The following CCDC186 variants were observed in gnomAD, a reference collection of about 807,000 sequenced individuals.
The protein encoded by CCDC186 is coiled-coil domain-containing protein 186.
A neutral mutation model predicts 113.7 loss-of-function variants in CCDC186; 49 were observed. That is an observed-to-expected ratio of 0.43 (90% CI 0.34 to 0.55). CCDC186 has a LOEUF of 0.55. CCDC186 is among the 20% of genes least tolerant of loss of function. The pLI is 0.02. For synonymous variants in CCDC186, 355 were observed against 345.8 expected (o/e 1.03, Z -0.30); for missense variants, 890 against 1,011.1 (o/e 0.88, Z 1.62).
At position 114,132,177 on chromosome 10, in the gene CCDC186, G is replaced by C. The variant is rs371396501; in HGVS notation, c.1663C>G (p.Gln555Glu). Residue 555 changes from glutamine (Q) to glutamate (E), a missense_variant, in exon 11 of 16, where the codon CAA (glutamine) becomes GAA (glutamate). Physicochemically the swap from Gln to Glu is conservative, Grantham distance 29. Coordinates refer to ENST00000369287, the MANE Select transcript of CCDC186 (RefSeq NM_018017.4). Reference protein sequence around the residue: ...QLQEQLQRGKQEIENLKEEVE... With the variant: ...QLQEQLQRGKEEIENLKEEVE... ...TCTTCTTTCAAATTTTCAATTTCTTGCTTACCTCTAAAACACAAAATTTAT... is the reference window on the plus strand; with the variant it reads ...TCTTCTTTCAAATTTTCAATTTCTTCCTTACCTCTAAAACACAAAATTTAT... 2.5e-6 allele frequency: 4 copies of C among 1,584,998 alleles called. No homozygotes were observed. The African/African-American group carries it at 5.4e-5, about 21-fold the overall frequency.
chr10:114,144,519 T>G lies in CCDC186; in HGVS notation c.1199A>C (p.Lys400Thr). The change falls in exon 6 of 16, where the codon AAA (lysine) becomes ACA (threonine). Residue 400 changes from lysine to threonine, a missense_variant. Physicochemically the swap from Lys to Thr is moderately conservative, Grantham distance 78. Coordinates refer to ENST00000369287, the MANE Select transcript of CCDC186 (RefSeq NM_018017.4). Reference protein sequence around the residue: ...IKVKWAQNKLKAEMDSHKETK... With the variant: ...IKVKWAQNKLTAEMDSHKETK... ...TACCTTGTGTGAATCCATTTCAGCT[T>G]TTAATTTGTTTTGTGCCCACTTTAC... The G allele has an allele frequency of 3.7e-6, 6 of 1,613,374 alleles. No homozygotes were observed. Among genetic ancestry groups the G allele is most frequent in the Non-Finnish European group, 5.1e-6 (6 of 1,179,516 alleles).
chr10:114,162,535 C>T (rs1253389114), intron 2 of CCDC186, 102 bp downstream of exon 2: 1 of 833,494 alleles, frequency 1.2e-6, no homozygotes, highest in South Asian at 2.0e-5. Flanking sequence ...TTCTAATGTG[C>T]AAGTAAAAAT....
intron 1 of CCDC186, among the ~76,000 whole-genome samples, chr10:114,172,887 C>T (rs1441942643): frequency 6.6e-6 from 1 of 152,120 alleles, no homozygotes; most frequent in Non-Finnish European, 1.5e-5. Flanking sequence ...CTCTCTTGAA[C>T]CTGAATCCTT....
At chr10:114,161,098 G>GTC (rs2032156110) in intron 2 of CCDC186, among the ~76,000 whole-genome samples, 1 of 152,088 alleles carries the variant, frequency 6.6e-6, no homozygotes, top group Non-Finnish European at 1.5e-5. Flanking sequence ...TGTTCTGACA[G>GTC]GATGAAGCAA....
chr10:114,138,961 C>T (rs1267313512), intron 6 of CCDC186, among the ~76,000 whole-genome samples: 10 of 152,162 alleles, frequency 6.6e-5, no homozygotes, highest in African/African-American at 9.7e-5. Context: ...GATCAGATGC[C>T]GCCTACTCTG....
At chr10:114,172,393 T>TATCA (rs1470064341) in intron 1 of CCDC186, among the ~76,000 whole-genome samples, 1 of 152,250 alleles carries the variant, frequency 6.6e-6, no homozygotes, top group Non-Finnish European at 1.5e-5. Context: ...AATCATTAGC[T>TATCA]ATGCTGTCAC....
At chr10:114,137,835 G>C (rs1289730952) in intron 6 of CCDC186, among the ~76,000 whole-genome samples, 2 of 151,930 alleles carry the variant, frequency 1.3e-5, no homozygotes, top group Non-Finnish European at 2.9e-5. Flanking sequence ...TCGGGAGTTT[G>C]AGACCAGCCT....
intron 13 of CCDC186, among the ~76,000 whole-genome samples, chr10:114,129,458 A>G (rs1428386933): frequency 6.6e-6 from 1 of 152,240 alleles, no homozygotes; most frequent in Non-Finnish European, 1.5e-5. Context: ...TTTTTACAAT[A>G]TAATTATATA....
chr10:114,156,577 T>C (rs1697656303), intron 3 of CCDC186, among the ~76,000 whole-genome samples: 2 of 151,994 alleles, frequency 1.3e-5, no homozygotes, highest in African/African-American at 4.8e-5. Flanking sequence ...AATACAAAAA[T>C]TGGCTGGGTG....
At chr10:114,136,682 T>C (rs984075542) in intron 7 of CCDC186, among the ~76,000 whole-genome samples, 1 of 152,226 alleles carries the variant, frequency 6.6e-6, no homozygotes, top group African/African-American at 2.4e-5. Flanking sequence ...GGTTTTTATT[T>C]GTTGGAAAAG....
At chr10:114,135,516 C>A (rs755639394) in intron 9 of CCDC186, among the ~76,000 whole-genome samples, 6 of 152,110 alleles carry the variant, frequency 3.9e-5, no homozygotes, top group Non-Finnish European at 8.8e-5. Context: ...TTAAAACTAT[C>A]CATCTATTAA....
In CCDC186 at chr10:114,121,239, AT is replaced by A. The variant is rs2030712572; in HGVS notation, c.*3903del. On this transcript the variant is annotated 3_prime_UTR_variant, in exon 16 of 16. Transcript: ENST00000369287. ...TGCCACCAACTGGTGTTAATTAAAA[AT>A]CAACAATCTTGGTGTCAAAAAAAAT... 6.6e-6 allele frequency: 1 copy of A among 152,192 alleles called. No homozygotes were observed. Among genetic ancestry groups the A allele is most frequent in the South Asian group, 2.1e-4 (1 of 4,836 alleles). 9.4% of individuals were successfully genotyped at this position (152,192 alleles called of 1,614,324 possible). A position where few individuals can be genotyped will look rare whatever the true frequency, so the allele number is the denominator to read the frequency against.
chr10:114,140,121 T>C (rs1419550809), intron 6 of CCDC186, among the ~76,000 whole-genome samples: 1 of 152,220 alleles, frequency 6.6e-6, no homozygotes, highest in Non-Finnish European at 1.5e-5. Flanking sequence ...GCTCATATTC[T>C]AGTAATGGAG....
At chr10:114,157,465 T>A in intron 3 of CCDC186, 89 bp downstream of exon 3, 1 of 1,288,736 alleles carries the variant, frequency 7.8e-7, no homozygotes, top group Non-Finnish European at 1.0e-6. Context: ...GTGCTACGAT[T>A]ACAGGCATGA....
chr10:114,132,653 C>T (rs1308614905), intron 10 of CCDC186, among the ~76,000 whole-genome samples: 2 of 152,310 alleles, frequency 1.3e-5, no homozygotes, highest in East Asian at 1.9e-4. Flanking sequence ...TCCAAAAAAA[C>T]TTCACTTACT....
chr10:114,173,650 GA>G (rs1195107483), intron 1 of CCDC186, among the ~76,000 whole-genome samples: 1 of 152,188 alleles, frequency 6.6e-6, no homozygotes, highest in Non-Finnish European at 1.5e-5. Context: ...TTGAGTCTAG[GA>G]AAGATTCTCG....
In CCDC186 at chr10:114,125,954, A is replaced by T; in HGVS notation, c.2545T>A (p.Ser849Thr). The T allele has an allele frequency of 6.2e-7, 1 of 1,614,058 alleles. No homozygotes were observed. The highest frequency in any genetic ancestry group is 8.5e-7 in the Non-Finnish European group (1 of 1,179,956). Residue 849 changes from serine (S) to threonine (T), a missense_variant, in exon 15 of 16, where the codon TCT becomes ACT. By Grantham distance (58) the Ser-to-Thr change is moderately conservative (BLOSUM62 1). Coordinates refer to ENST00000369287, the MANE Select transcript of CCDC186 (RefSeq NM_018017.4). ...TGTAATTTTCGGTTGATTTCCAAAG[A>T]GAGCTCCAATGTTAATCCATTGTCA... ...PADNGLTLEL[S>T]LEINRKLQAV...
At position 114,151,152 on chromosome 10, in the gene CCDC186, G is replaced by T; in HGVS notation, c.828C>A (p.Asp276Glu). The change falls in exon 4 of 16, where the codon GAC (aspartate) becomes GAA (glutamate). Residue 276 changes from aspartate (D) to glutamate (E), a missense_variant. Physicochemically the swap from Asp to Glu is conservative, Grantham distance 45. Transcript: ENST00000369287. ...GCTGAACTGCATTTTTAGCTGTAAC[G>T]TCTTGAGCTATTAGTTGATCTCTGG... ...KASRDQLIAQ[D>E]VTAKNAVQQL... 1 of 1,612,918 alleles carries T rather than the reference G, an allele frequency of 6.2e-7. No homozygotes were observed. Among genetic ancestry groups the T allele is most frequent in the African/African-American group, 1.3e-5 (1 of 74,966 alleles).
intron 6 of CCDC186, among the ~76,000 whole-genome samples, chr10:114,144,221 G>T (rs1277259173): frequency 6.6e-6 from 1 of 152,054 alleles, no homozygotes; most frequent in Non-Finnish European, 1.5e-5. Flanking sequence ...AAATTTGGGT[G>T]TTGCAAACTA....
Sources: allele counts gnomAD v4.1 joint callset (sites outside exome capture counted in the v4.1 genomes callset), GRCh38; gene constraint gnomAD v4.1.1; transcripts MANE v1.5; gene names NCBI Gene and HGNC (gene_info 2026-07-23, HGNC 2026-07-21).